Variants in IGFN1 observed in about 807,000 individuals in gnomAD.
IGFN1 encodes immunoglobulin like and fibronectin type III domain containing 1.
Under a neutral mutation model 289.5 loss-of-function variants are expected in IGFN1, and 253 were observed. The ratio of observed to expected loss-of-function variants is 0.87; its 90% CI spans 0.79 to 0.97. The LOEUF (loss-of-function observed/expected upper bound fraction) is 0.97. IGFN1 is among the 50% of genes least tolerant of loss of function. The pLI is 0.00. For missense variants in IGFN1, 4,470 were observed against 4,686.1 expected (o/e 0.95, Z 1.35); for synonymous variants, 1,706 against 1,788.5 (o/e 0.95, Z 1.16).
At chr1:201,225,207 T>A (rs1190975861) in intron 21 of IGFN1, among the ~76,000 whole-genome samples, 1 of 152,218 alleles carries the variant, frequency 6.6e-6, no homozygotes, top group Non-Finnish European at 1.5e-5. Flanking sequence ...CAAAATTGTC[T>A]GCAGCCGTTG....
In IGFN1 at chr1:201,216,706, G is replaced by A; in HGVS notation, c.9548G>A (p.Gly3183Glu). 6.2e-7 allele frequency: 1 copy of A among 1,613,664 alleles called. No homozygotes were observed. Residue 3183 changes from glycine to glutamate, a missense_variant, in exon 16 of 24, where the codon GGG (glycine) becomes GAG (glutamate). This residue lies in a region of IGFN1 where 2,218 missense variants were observed against 2,114.1 expected (regional missense o/e 1.05). Transcript: ENST00000335211. Reference protein sequence around the residue: ...TFRVRAVTSEGAGEALESEEI... With the variant: ...TFRVRAVTSEEAGEALESEEI... ...CGAGTGCGGGCTGTGACCTCAGAGG[G>A]GGCTGGCGAGGCCCTGGAGTCTGAG...
At chr1:201,221,864 A>T (rs1653762155) in intron 19 of IGFN1, 118 bp downstream of exon 19, 2 of 850,326 alleles carry the variant, frequency 2.4e-6, no homozygotes, top group Admixed American at 3.0e-5. Context: ...TTCAGGAAGT[A>T]ACATTTATTG....
chr1:201,210,691 C>A lies in IGFN1; in HGVS notation c.5798C>A (p.Pro1933His). The A allele has an allele frequency of 6.6e-7, 1 of 1,526,042 alleles. No individual in the cohort carries two copies. The highest frequency in any genetic ancestry group is 1.5e-5 in the African/African-American group (1 of 68,606). 94.5% of individuals were successfully genotyped at this position (1,526,042 alleles called of 1,614,324 possible). Residue 1933 changes from proline (P) to histidine (H), a missense_variant, in exon 12 of 24, where the codon CCT becomes CAT. Coordinates refer to ENST00000335211, the MANE Select transcript of IGFN1 (RefSeq NM_001164586.2). Reference protein sequence around the residue: ...EAGYRKDLGAPEGMGSGSKEG... With the variant: ...EAGYRKDLGAHEGMGSGSKEG... ...GGTTATAGGAAGGATTTGGGGGCTC[C>A]TGAGGGAATGGGTTCAGGGAGTAAG...
At chr1:201,203,564 A>G (rs370986370) in intron 9 of IGFN1, among the ~76,000 whole-genome samples, 174 bp from the exon 10 acceptor site, 5 of 152,118 alleles carry the variant, frequency 3.3e-5, no homozygotes, top group African/African-American at 1.2e-4. Context: ...CCCTGTTCCC[A>G]TGTTCTCCAG....
Position 201,210,836 on chromosome 1 carries a change from G to T in IGFN1, c.5943G>T (p.Arg1981Ser), listed in dbSNP as rs1180810312. The T allele has an allele frequency of 6.5e-7, 1 of 1,534,876 alleles. No individual in the cohort carries two copies. Among genetic ancestry groups the T allele is most frequent in the Admixed American group, 2.0e-5 (1 of 50,720 alleles). Residue 1981 changes from arginine (R) to serine (S), a missense_variant, in exon 12 of 24, where the codon AGG becomes AGT. Physicochemically the swap from Arg to Ser is moderately radical, Grantham distance 110 (BLOSUM62 -1). Transcript: ENST00000335211. ...GMGSGSKEGF[R>S]DGLGGSEEMG... ...GTTCAGGGAGTAAGGAAGGTTTCAG[G>T]GATGGTTTAGGGGGTTCTGAGGAAA...
At chr1:201,216,882 C>T in intron 16 of IGFN1, 129 bp downstream of exon 16, 2 of 715,954 alleles carry the variant, frequency 2.8e-6, no homozygotes, top group Non-Finnish European at 4.6e-6. Flanking sequence ...CCTTCTGTAG[C>T]ACTCTGGAGA....
At position 201,209,378 on chromosome 1, in the gene IGFN1, T is replaced by A. The variant is rs1369659639; in HGVS notation, c.4485T>A (p.Tyr1495Ter). 2 of 1,511,664 alleles carry A rather than the reference T, an allele frequency of 1.3e-6. No individual in the cohort carries two copies. Among genetic ancestry groups the A allele is most frequent in the Non-Finnish European group, 1.8e-6 (2 of 1,136,232 alleles). 93.6% of individuals were successfully genotyped at this position (1,511,664 alleles called of 1,614,324 possible). ...SGEMGLIEAG[Y>*]RKDLGVSEGG... ...AAATGGGGTTAATTGAGGCAGGCTA[T>A]AGGAAAGATTTGGGGGTTTCTGAGG... Residue 1495 changes from tyrosine to a stop codon, truncating the protein, a stop_gained, in exon 12 of 24, where the codon TAT becomes TAA. Coordinates refer to ENST00000335211, the MANE Select transcript of IGFN1 (RefSeq NM_001164586.2). LOFTEE classifies it high-confidence loss of function.
At position 201,226,135 on chromosome 1, in the gene IGFN1, C is replaced by G. The variant is rs1571501579; in HGVS notation, c.10786+12C>G. ...CCCCCGGCAGCGCGGTAAGCAGCCC[C>G]TGAGAGGGAGGAGCAGGCAGGGTGG... is the stretch of plus-strand genomic sequence containing the variant. On this transcript the variant is annotated intron_variant, in intron 22 of 23. Coordinates refer to ENST00000335211, the MANE Select transcript of IGFN1 (RefSeq NM_001164586.2). 1 of 1,569,090 alleles carries G rather than the reference C, an allele frequency of 6.4e-7. No individual in the cohort carries two copies. Among genetic ancestry groups the G allele is most frequent in the East Asian group, 2.3e-5 (1 of 44,112 alleles).
At chr1:201,205,611 G>T (rs1185854741) in intron 11 of IGFN1, among the ~76,000 whole-genome samples, 2 of 152,168 alleles carry the variant, frequency 1.3e-5, no homozygotes, top group Non-Finnish European at 2.9e-5. Context: ...TGGGACAGTG[G>T]CCCAGGTTCA....
In IGFN1 at chr1:201,216,532, C is replaced by T. The variant is rs563943429; in HGVS notation, c.9374C>T (p.Pro3125Leu). The change falls in exon 16 of 24, where the codon CCA becomes CTA. Residue 3125 changes from proline to leucine, a missense_variant. Pro to Leu is a moderately conservative substitution (Grantham distance 98). Transcript: ENST00000335211. ...GGCGTCTGCCTCCGCTGGCGGCCCC[C>T]AAGGGACAATGGGGGCCGGACTGTA... ...RAGVCLRWRPPRDNGGRTVEC... is the reference protein window; with the variant it reads ...RAGVCLRWRPLRDNGGRTVEC... 5.6e-6 allele frequency: 9 copies of T among 1,612,796 alleles called. No individual in the cohort carries two copies. The Admixed American group carries it at 1.5e-4, about 27-fold the overall frequency.
rs2365299 is a variant in IGFN1 at position 201,200,426 on chromosome 1, T to G, written c.633+15T>G. ...AGATGGCACAGGTGCCTCACCCCAT[T>G]CCCACCCCTCACTCCATGCCCACCC... is the stretch of plus-strand genomic sequence containing the variant. On this transcript the variant is annotated intron_variant, in intron 8 of 23. Transcript: ENST00000335211. 0.14 allele frequency: 222,047 copies of G among 1,545,766 alleles called. 18,139 individuals carry two copies. Among genetic ancestry groups the G allele is most frequent in the East Asian group, 0.26 (10,682 of 40,852 alleles).
chr1:201,216,355 G>C (rs975465993), intron 15 of IGFN1, 99 bp from the exon 16 acceptor site: 36 of 938,368 alleles, frequency 3.8e-5, no homozygotes, highest in African/African-American at 1.7e-4. Flanking sequence ...GGATGGGGGT[G>C]GGGGGGAGTC....
In IGFN1 at chr1:201,195,970, G is replaced by A. The variant is rs770044225; in HGVS notation, c.259G>A (p.Val87Met). 3.4e-5 allele frequency: 53 copies of A among 1,551,636 alleles called. 1 individual carries two copies. The highest frequency in any genetic ancestry group is 9.8e-5 in the East Asian group (4 of 40,926). Residue 87 changes from valine (V) to methionine (M), a missense_variant, in exon 4 of 24, where the codon GTG becomes ATG. Val to Met is a conservative substitution (Grantham distance 21, BLOSUM62 1). This residue lies in a region of IGFN1 where 2,011 missense variants were observed against 1,953.4 expected (regional missense o/e 1.03). Coordinates refer to ENST00000335211, the MANE Select transcript of IGFN1 (RefSeq NM_001164586.2). ...ISSSPGSKEH[V>M]LQINKLTGED... ...CTCCAGCCCTGGCAGCAAGGAGCAC[G>A]TGCTGCAGGTAAGAACCGTAGCTCT...
intron 5 of IGFN1, among the ~76,000 whole-genome samples, chr1:201,198,538 C>T (rs529578111): frequency 6.6e-6 from 1 of 152,252 alleles, no homozygotes; most frequent in East Asian, 1.9e-4. Flanking sequence ...GATCCTCCCA[C>T]CTCAGCCTCC....
chr1:201,193,539 C>T (rs1198795325), intron 2 of IGFN1, among the ~76,000 whole-genome samples: 1 of 152,166 alleles, frequency 6.6e-6, no homozygotes. Flanking sequence ...GCAACCTCCA[C>T]CTCCCAGGTT....
chr1:201,225,916 G>T lies in IGFN1; in HGVS notation c.10579G>T (p.Asp3527Tyr). The stretch of plus-strand genomic sequence containing the variant: ...GGAACCCTCTCCTGACGAGGCCCAG[G>T]ATGTCCCGCTGCACTACGCGGTGTT... ...EWEPSPDEAQ[D>Y]VPLHYAVFTR... The change falls in exon 22 of 24, where the codon GAT becomes TAT. Residue 3527 changes from aspartate to tyrosine, a missense_variant. Asp to Tyr is a radical substitution (Grantham distance 160). Around this residue, in one of 8 missense-constraint regions of IGFN1, gnomAD observed 2,218 missense variants for 2,114.1 expected, o/e 1.05. Coordinates refer to ENST00000335211, the MANE Select transcript of IGFN1 (RefSeq NM_001164586.2). 21 of 1,609,520 alleles carry T rather than the reference G, an allele frequency of 1.3e-5. No individual in the cohort carries two copies. The highest frequency in any genetic ancestry group is 2.7e-5 in the African/African-American group (2 of 74,926).
chr1:201,225,764 G>C (rs903619853), intron 21 of IGFN1, 60 bp from the exon 22 acceptor site: 52 of 1,468,948 alleles, frequency 3.5e-5, no homozygotes, highest in Non-Finnish European at 4.4e-5. Flanking sequence ...CCTGGAGGGG[G>C]CTGGTAGCAG....
intron 17 of IGFN1, among the ~76,000 whole-genome samples, chr1:201,218,101 C>T (rs948808564): frequency 1.3e-5 from 2 of 152,246 alleles, no homozygotes; most frequent in East Asian, 1.9e-4. Flanking sequence ...AGGCTCGGAA[C>T]AGCTTGCCAG....
chr1:201,212,120 C>A lies in IGFN1; in HGVS notation c.7227C>A (p.Ala2409=), dbSNP rs1332641070. 1 of 1,536,352 alleles carries A rather than the reference C, an allele frequency of 6.5e-7. No individual in the cohort carries two copies. The highest frequency in any genetic ancestry group is 8.7e-7 in the Non-Finnish European group (1 of 1,146,776). ...ACTCCAAGGATGGTCCAGAGCGAGC[C>A]AGGGAAACCAGGCTTGTGGATGGGG... ...DTNSKDGPER[A]RETRLVDGAG... is the part of the protein sequence containing the mutation. Residue 2409 remains alanine (A), a synonymous_variant, in exon 12 of 24, where the codon GCC becomes GCA. Transcript: ENST00000335211.
Sources: allele counts gnomAD v4.1 joint callset (sites outside exome capture counted in the v4.1 genomes callset), GRCh38; gene constraint gnomAD v4.1.1; regional missense constraint gnomAD v4.1.1; transcripts MANE v1.5; gene names NCBI Gene and HGNC (gene_info 2026-07-23, HGNC 2026-07-21).